The following MED27 variants were observed in gnomAD, a reference collection of about 807,000 sequenced individuals.
MED27 encodes the protein mediator of RNA polymerase II transcription subunit 27.
In MED27, 30 loss-of-function variants were observed where a neutral mutation model predicts 38.2. The observed-to-expected ratio is 0.79, with a 90% CI of 0.59 to 1.07. The LOEUF (loss-of-function observed/expected upper bound fraction) is 1.07. Ranked by LOEUF, MED27 falls within the 50% of genes least tolerant of loss-of-function variation. The probability of loss-of-function intolerance (pLI) is 0.00; values close to 1 mark genes in which losing one functional copy is unlikely to be tolerated. For synonymous variants in MED27, 122 were observed against 153.5 expected (o/e 0.79, Z 1.52); for missense variants, 289 against 397.5 (o/e 0.73, Z 2.32).
chr9:132,051,467 G>C lies in MED27; in HGVS notation c.348+25975C>G, dbSNP rs534325940. 1.4e-4 allele frequency among the ~76,000 whole-genome samples: 22 copies of C among 152,252 alleles called. No individual in the cohort carries two copies. Among genetic ancestry groups the C allele is most frequent in the Middle Eastern group, 6.8e-3 (2 of 294 alleles). Reference sequence around the variant, plus strand: ...TCTTTCTCACCCCATCACTAGAGCTGATGCTTTTCAAAGCCCTATCCCATC... The same window carrying C: ...TCTTTCTCACCCCATCACTAGAGCTCATGCTTTTCAAAGCCCTATCCCATC... On this transcript the variant is annotated intron_variant, in intron 2 of 7. Transcript: ENST00000292035. This position sits in a 1 kb window ranked among gnomAD's most constrained non-coding sequence, Gnocchi z 4.2.
chr9:132,011,912 T>C (rs1172288604), intron 3 of MED27, among the ~76,000 whole-genome samples: 2 of 151,614 alleles, frequency 1.3e-5, no homozygotes, highest in Non-Finnish European at 2.9e-5. Flanking sequence ...AGTGATTTAT[T>C]ATAAATTTAT....
Position 131,893,935 on chromosome 9 carries a change from G to C in MED27, c.631C>G (p.Arg211Gly). Reference protein sequence around the residue: ...IVVMRSLFIDRTIVKGYNENV... With the variant: ...IVVMRSLFIDGTIVKGYNENV... ...TCGTTATATCCCTTTACTATTGTTC[G>C]ATCAATGAACAGGCTCCGCATGACG... The change falls in exon 5 of 8, where the codon CGA becomes GGA. Residue 211 changes from arginine to glycine, a missense_variant. Arg to Gly is a moderately radical substitution (Grantham distance 125). Coordinates refer to ENST00000292035, the MANE Select transcript of MED27 (RefSeq NM_004269.4). 1.2e-6 allele frequency: 2 copies of C among 1,614,080 alleles called. No homozygotes were observed. Among genetic ancestry groups the C allele is most frequent in the Non-Finnish European group, 8.5e-7 (1 of 1,180,010 alleles).
At position 132,049,053 on chromosome 9, in the gene MED27, T is replaced by C. The variant is rs763994365; in HGVS notation, c.348+28389A>G. Reference sequence around the variant, plus strand: ...TGTGATTAAGCATGACCTTTAAGAGTAGTGGAGCAACCAATCAGTTTTGGT... The same window carrying C: ...TGTGATTAAGCATGACCTTTAAGAGCAGTGGAGCAACCAATCAGTTTTGGT... On this transcript the variant is annotated intron_variant, in intron 2 of 7. Coordinates refer to ENST00000292035, the MANE Select transcript of MED27 (RefSeq NM_004269.4). Among the ~76,000 whole-genome samples, 6 of 152,108 alleles carry C rather than the reference T, an allele frequency of 3.9e-5. No homozygotes were observed. In the South Asian group the frequency reaches 6.2e-4, roughly 16 times the overall value.
chr9:131,875,812 C>T (rs1838921078), intron 6 of MED27, among the ~76,000 whole-genome samples: 1 of 152,304 alleles, frequency 6.6e-6, no homozygotes, highest in Admixed American at 6.5e-5. Flanking sequence ...GGGGTTTTGC[C>T]ATGTTGCCCA....
chr9:131,890,170 A>G (rs576662880), intron 5 of MED27, among the ~76,000 whole-genome samples: 71 of 152,356 alleles, frequency 4.7e-4, no homozygotes, highest in South Asian at 3.9e-3. Context: ...GTGCTCTGAA[A>G]AAAAGGGGCT....
chr9:132,030,642 A>C (rs1050125294), intron 2 of MED27, among the ~76,000 whole-genome samples: 2 of 152,266 alleles, frequency 1.3e-5, no homozygotes, highest in African/African-American at 2.4e-5. Flanking sequence ...GATGAAAAGA[A>C]GACCCTTCAT....
intron 4 of MED27, among the ~76,000 whole-genome samples, chr9:131,931,956 A>G (rs1338189518): frequency 1.3e-5 from 2 of 152,172 alleles, no homozygotes; most frequent in Non-Finnish European, 2.9e-5. Flanking sequence ...AAAACCAACA[A>G]AGAAACATCA....
In MED27 at chr9:131,883,167, A is replaced by T. The variant is rs918227741; in HGVS notation, c.723+891T>A. On this transcript the variant is annotated intron_variant, in intron 6 of 7. Coordinates refer to ENST00000292035, the MANE Select transcript of MED27 (RefSeq NM_004269.4). This position sits in a 1 kb window ranked among gnomAD's most constrained non-coding sequence, Gnocchi z 4.2. ...GGTGATCTGCCTACCTTGGCCTCCC[A>T]AAGTGCTGGGGAGTGGACACCTGTT... Among the ~76,000 whole-genome samples the T allele has an allele frequency of 6.6e-6, 1 of 152,170 alleles. No individual in the cohort carries two copies. Among genetic ancestry groups the T allele is most frequent in the African/African-American group, 2.4e-5 (1 of 41,428 alleles).
Position 131,895,217 on chromosome 9 carries a change from C to T in MED27, c.574-1225G>A, listed in dbSNP as rs142191889. 5.7e-3 allele frequency among the ~76,000 whole-genome samples: 873 copies of T among 152,290 alleles called. 8 individuals carry two copies. Among genetic ancestry groups the T allele is most frequent in the African/African-American group, 0.019 (801 of 41,554 alleles). On this transcript the variant is annotated intron_variant, in intron 4 of 7. Transcript: ENST00000292035. ...AGGGGCTCACGTAACTCTTCTAAGA[C>T]TTTGCTAAAGCTTTTCATTTCGTAT...
chr9:132,073,932 C>T (rs900531798), intron 2 of MED27, among the ~76,000 whole-genome samples: 4 of 152,064 alleles, frequency 2.6e-5, no homozygotes, highest in African/African-American at 9.7e-5. Flanking sequence ...CTGCCATAAA[C>T]AAATGAAAAA....
intron 4 of MED27, among the ~76,000 whole-genome samples, chr9:131,922,769 C>T (rs1043673076): frequency 2.0e-5 from 3 of 151,944 alleles, no homozygotes; most frequent in African/African-American, 4.8e-5. Context: ...GGTATATCTC[C>T]TAATGCTATA....
At chr9:132,038,653 T>C (rs1006920333) in intron 2 of MED27, among the ~76,000 whole-genome samples, 2 of 152,228 alleles carry the variant, frequency 1.3e-5, no homozygotes, top group African/African-American at 4.8e-5. Flanking sequence ...CAATGTTAAA[T>C]GTGGTGCTTA....
At chr9:131,925,226 G>A (rs940079568) in intron 4 of MED27, among the ~76,000 whole-genome samples, 1 of 152,164 alleles carries the variant, frequency 6.6e-6, no homozygotes, top group Non-Finnish European at 1.5e-5. Flanking sequence ...GAGCAGGACT[G>A]TTTATTTGAT....
chr9:132,011,938 C>T (rs189459957), intron 3 of MED27, among the ~76,000 whole-genome samples: 463 of 129,130 alleles, frequency 3.6e-3, no homozygotes, highest in Non-Finnish European at 5.1e-3. Context: ...CAGTTGTGAA[C>T]ACCTCTCGCT....
At chr9:132,012,779 GC>G in intron 3 of MED27, among the ~76,000 whole-genome samples, 1 of 152,146 alleles carries the variant, frequency 6.6e-6, no homozygotes, top group Non-Finnish European at 1.5e-5. Context: ...GTTGAGGGGT[GC>G]TTGTTTGGTC....
chr9:131,944,115 C>T (rs549364415), intron 3 of MED27, among the ~76,000 whole-genome samples: 17 of 152,264 alleles, frequency 1.1e-4, no homozygotes, highest in African/African-American at 4.1e-4. Flanking sequence ...ACAATCCCAC[C>T]ATTTTCAAAT....
rs138303913 is a variant in MED27, at chr9:132,067,955, G to A, written c.348+9487C>T. On this transcript the variant is annotated intron_variant, in intron 2 of 7. Coordinates refer to ENST00000292035, the MANE Select transcript of MED27 (RefSeq NM_004269.4). ...TCTCCATCTCCTGACCTCGTGATCC[G>A]CCCACCTCGGCCCAAAATGTTCGTA... Among the ~76,000 whole-genome samples the A allele has an allele frequency of 2.7e-3, 407 of 152,150 alleles. 3 individuals carry two copies. Among genetic ancestry groups the A allele is most frequent in the African/African-American group, 9.4e-3 (389 of 41,498 alleles).
At chr9:131,957,074 G>A (rs1432615690) in intron 3 of MED27, among the ~76,000 whole-genome samples, 1 of 152,182 alleles carries the variant, frequency 6.6e-6, no homozygotes, top group Non-Finnish European at 1.5e-5. Flanking sequence ...CGTCGCATTC[G>A]CTGCCGGTAG....
At chr9:131,916,337 G>A (rs1312587716) in intron 4 of MED27, among the ~76,000 whole-genome samples, 1 of 152,230 alleles carries the variant, frequency 6.6e-6, no homozygotes, top group East Asian at 1.9e-4. Flanking sequence ...CAATTGCTAT[G>A]TATAAATTTG....
Sources: allele counts gnomAD v4.1 joint callset (sites outside exome capture counted in the v4.1 genomes callset), GRCh38; gene constraint gnomAD v4.1.1; non-coding constraint Gnocchi (gnomAD v3.1); transcripts MANE v1.5; gene names NCBI Gene and HGNC (gene_info 2026-07-23, HGNC 2026-07-21).